C4orf50: variants seen among roughly 807,000 people sequenced by gnomAD.
C4orf50 encodes uncharacterized protein C4orf50.
A neutral mutation model predicts 77.2 loss-of-function variants in C4orf50; 80 were observed. The observed-to-expected ratio is 1.04, with a 90% CI of 0.87 to 1.25. C4orf50 has a LOEUF of 1.25. Ranked by LOEUF, C4orf50 falls within the 50% of genes most tolerant of loss-of-function variation. The pLI is 0.00. For missense variants in C4orf50, 1,257 were observed against 1,152.9 expected, an observed-to-expected ratio of 1.09 and a Z score of -1.31; for synonymous variants, 532 against 465.3, an observed-to-expected ratio of 1.14 and a Z score of -1.84.
At position 5,942,335 on chromosome 4, in the gene C4orf50, G is replaced by A. The variant is rs527881038; in HGVS notation, c.*2474+14566C>T. The stretch of plus-strand genomic sequence containing the variant: ...CTTGGGGGTCATACAGGACCCAAAG[G>A]GGTTTGATTCTGGCTTTGCTGATCC... On this transcript the variant is annotated intron_variant, in intron 7 of 7. Transcript: ENST00000324058. Among the ~76,000 whole-genome samples the A allele has an allele frequency of 2.0e-5, 3 of 152,304 alleles. No individual in the cohort carries two copies. The South Asian group carries it at 6.2e-4, about 32-fold the overall frequency.
chr4:6,017,774 T>A lies in C4orf50; in HGVS notation c.287+371A>T, dbSNP rs1303521016. On this transcript the variant is annotated intron_variant, in intron 23 of 33. Transcript: ENST00000531445. The surrounding 1 kb of genome is among the most constrained non-coding windows in gnomAD (Gnocchi z 4.7). ...AACTGGATTTGTCTGCCTCTGTCCTTGGTTTCTCAGTTCCTTCTACACTTC... is the reference window on the plus strand; with the variant it reads ...AACTGGATTTGTCTGCCTCTGTCCTAGGTTTCTCAGTTCCTTCTACACTTC... 6.6e-6 allele frequency among the ~76,000 whole-genome samples: 1 copy of A among 152,188 alleles called. No homozygotes were observed. The highest frequency in any genetic ancestry group is 1.5e-5 in the Non-Finnish European group (1 of 68,032).
rs760971844 is a variant in C4orf50 at position 5,932,944 on chromosome 4, G to A, written c.*2474+23957C>T. Among the ~76,000 whole-genome samples the A allele has an allele frequency of 3.9e-5, 6 of 152,194 alleles. No individual in the cohort carries two copies. Among genetic ancestry groups the A allele is most frequent in the East Asian group, 1.9e-4 (1 of 5,172 alleles). On this transcript the variant is annotated intron_variant, in intron 7 of 7. Transcript: ENST00000324058. This position sits in a 1 kb window ranked among gnomAD's most constrained non-coding sequence, Gnocchi z 4.2. ...ATACAGCAGCCACTCAATAAATGGC[G>A]GAAACCATATTATCATTAATATTAA...
intron 7 of C4orf50, among the ~76,000 whole-genome samples, chr4:5,938,162 G>T (rs11725173): frequency 0.44 from 66,451 of 152,030 alleles, 16,364 homozygotes; most frequent in Non-Finnish European, 0.55. Flanking sequence ...GCCAAATGCA[G>T]TTATAATCTT....
In C4orf50 at chr4:5,900,770, G is replaced by C. The variant is rs1577866042; in HGVS notation, c.*2475-2582C>G. The C allele has an allele frequency of 6.6e-6, 1 of 152,300 alleles. No individual in the cohort carries two copies. Among genetic ancestry groups the C allele is most frequent in the East Asian group, 1.9e-4 (1 of 5,170 alleles). The allele number at this position is 152,300 out of a possible 1,614,324, so 9.4% of individuals were successfully genotyped here. On this transcript the variant is annotated intron_variant, in intron 7 of 7. Coordinates refer to the C4orf50 transcript ENST00000324058. The surrounding 1 kb of genome is among the most constrained non-coding windows in gnomAD (Gnocchi z 4.3). Reference sequence around the variant, plus strand: ...AATCAGTTTCCTCGCCTGTAAAATGGGGAGGAGAAGGATGCTTACACTAGA... The same window carrying C: ...AATCAGTTTCCTCGCCTGTAAAATGCGGAGGAGAAGGATGCTTACACTAGA...
At chr4:5,993,867 AAAG>A (rs1001112417) in intron 26 of C4orf50, among the ~76,000 whole-genome samples, 3 of 144,132 alleles carry the variant, frequency 2.1e-5, no homozygotes, top group Non-Finnish European at 3.1e-5. Flanking sequence ...TAAAAAAAAA[AAAG>A]AGAGAGAGAG....
At chr4:5,972,905 T>C (rs572792552) in intron 31 of C4orf50, among the ~76,000 whole-genome samples, 24 of 152,354 alleles carry the variant, frequency 1.6e-4, no homozygotes, top group African/African-American at 5.3e-4. Context: ...CTGGCATTTG[T>C]CCCTGTGTGC....
At chr4:5,996,174 C>A (rs1042244900) in intron 25 of C4orf50, among the ~76,000 whole-genome samples, 1 of 152,184 alleles carries the variant, frequency 6.6e-6, no homozygotes, top group Non-Finnish European at 1.5e-5. Flanking sequence ...TGTCCCAGCG[C>A]GTCCGTGCTC....
chr4:5,991,499 A>C (rs1005823806), intron 27 of C4orf50, among the ~76,000 whole-genome samples: 1 of 152,114 alleles, frequency 6.6e-6, no homozygotes, highest in Non-Finnish European at 1.5e-5. Flanking sequence ...CCATATTTTT[A>C]ATGTATTTTT....
intron 25 of C4orf50, among the ~76,000 whole-genome samples, chr4:5,996,634 G>C (rs1721603115): frequency 6.6e-6 from 1 of 152,216 alleles, no homozygotes; most frequent in African/African-American, 2.4e-5. Flanking sequence ...CCCACTCTGG[G>C]TTGGTGGCCT....
chr4:5,929,424 G>A (rs572778893), intron 7 of C4orf50, among the ~76,000 whole-genome samples: 27 of 148,148 alleles, frequency 1.8e-4, no homozygotes, highest in African/African-American at 5.6e-4. Flanking sequence ...TTGCAAAAGC[G>A]AGCACATTCT....
intron 28 of C4orf50, among the ~76,000 whole-genome samples, chr4:5,981,300 T>C (rs192928490): frequency 3.8e-4 from 58 of 152,252 alleles, no homozygotes; most frequent in Non-Finnish European, 7.1e-4. Flanking sequence ...GCTGTTATAA[T>C]TGGAACTGTG....
chr4:5,980,334 C>T (rs367942099), exon 29 of C4orf50: 30 of 1,608,782 alleles, frequency 1.9e-5, no homozygotes, highest in African/African-American at 4.0e-5. Context: ...CTCTGAGTCC[C>T]GGAGCTGCGG....
Position 5,989,157 on chromosome 4 carries a change from TCTTTC to T in C4orf50, c.2884_2888del (p.Glu962ArgfsTer16). 1.3e-6 allele frequency: 2 copies of T among 1,535,650 alleles called. No individual in the cohort carries two copies. The highest frequency in any genetic ancestry group is 1.7e-6 in the Non-Finnish European group (2 of 1,146,770). On this transcript the variant is annotated frameshift_variant, in exon 28 of 34. Coordinates refer to ENST00000531445, the Ensembl canonical transcript of C4orf50. LOFTEE classifies it high-confidence loss of function. ...TTTTTGTCACCTCTCTCTCTCTCTC[TCTTTC>T]AAGGGCGCACACTCTTTCATGGAAC...
chr4:5,925,534 G>A (rs1330066288), intron 7 of C4orf50, among the ~76,000 whole-genome samples: 2 of 152,258 alleles, frequency 1.3e-5, no homozygotes, highest in East Asian at 3.9e-4. Flanking sequence ...CAGCCAGCCT[G>A]GCCCCGGGAA....
chr4:5,933,649 G>A (rs1473853718), intron 7 of C4orf50, among the ~76,000 whole-genome samples: 1 of 152,206 alleles, frequency 6.6e-6, no homozygotes, highest in Non-Finnish European at 1.5e-5. Flanking sequence ...TGGGGGTTAG[G>A]GGCGTACTCA....
At chr4:5,967,262 T>C (rs1719629452) in intron 32 of C4orf50, 152 bp downstream of exon 10, 3 of 671,866 alleles carry the variant, frequency 4.5e-6, no homozygotes, top group African/African-American at 3.5e-5. Context: ...CAATGCCACA[T>C]AGGAAAGCGG....
At chr4:5,965,657 C>T (rs1719525256) in intron 32 of C4orf50, among the ~76,000 whole-genome samples, 1 of 152,148 alleles carries the variant, frequency 6.6e-6, no homozygotes, top group Admixed American at 6.5e-5. Context: ...TGTGCCTCTC[C>T]AACTGTGAGA....
chr4:6,008,349 G>T lies in C4orf50; in HGVS notation c.610C>A (p.Arg204=), dbSNP rs1722338822. Residue 204 remains arginine, a synonymous_variant, in exon 25 of 34, where the codon CGG becomes AGG. Coordinates refer to ENST00000531445, the Ensembl canonical transcript of C4orf50. This position sits in a 1 kb window ranked among gnomAD's most constrained non-coding sequence, Gnocchi z 6.0. ...AGGCGCCGCACGTTGCGCTCCAGCC[G>T]CTGCACCTGCTCCCGCAGGACGCGC... 5.1e-6 allele frequency: 2 copies of T among 390,552 alleles called. No homozygotes were observed. Among genetic ancestry groups the T allele is most frequent in the Non-Finnish European group, 4.5e-6 (1 of 221,044 alleles). The allele number at this position is 390,552 out of a possible 1,614,324, so 24.2% of individuals were successfully genotyped here. A position where few individuals can be genotyped will look rare whatever the true frequency, so the allele number is the denominator to read the frequency against.
At chr4:5,940,393 C>A (rs959723264) in intron 7 of C4orf50, among the ~76,000 whole-genome samples, 5 of 152,234 alleles carry the variant, frequency 3.3e-5, no homozygotes, top group African/African-American at 9.6e-5. Flanking sequence ...AGGTGCCCTT[C>A]CCCCAGGCCC....
Sources: gnomAD v4.1 joint callset for allele counts (sites outside exome capture counted in the v4.1 genomes callset) on GRCh38, gnomAD v4.1.1 for gene constraint, Gnocchi (gnomAD v3.1) non-coding constraint, MANE v1.5 for transcripts, NCBI Gene and HGNC (gene_info 2026-07-23, HGNC 2026-07-21) for gene names.